The following RTN1 variants were observed in gnomAD, a reference collection of about 807,000 sequenced individuals.
The protein encoded by RTN1 is reticulon-1.
RTN1 carries 25 observed loss-of-function variants against 65.5 expected under a neutral mutation model. The ratio of observed to expected loss-of-function variants is 0.38; its 90% CI spans 0.28 to 0.53. RTN1 has a LOEUF of 0.53. Ranked by LOEUF, RTN1 falls within the 20% of genes least tolerant of loss-of-function variation. The pLI, the probability that RTN1 is intolerant of heterozygous loss-of-function variation, is 0.79. For missense variants in RTN1, 983 were observed against 1,025.4 expected, an observed-to-expected ratio of 0.96 and a Z score of 0.57; for synonymous variants, 471 against 447.6, an observed-to-expected ratio of 1.05 and a Z score of -0.66.
intron 1 of RTN1, among the ~76,000 whole-genome samples, chr14:59,767,103 C>T (rs74058796): frequency 0.013 from 1,917 of 152,286 alleles, 41 homozygotes; most frequent in African/African-American, 0.043. Context: ...TCTGTCCTGC[C>T]TTTCTTCCCT....
intron 1 of RTN1, among the ~76,000 whole-genome samples, chr14:59,854,441 G>A (rs1887566745): frequency 6.6e-6 from 1 of 151,836 alleles, no homozygotes; most frequent in Non-Finnish European, 1.5e-5. Context: ...AGGAGATCAA[G>A]ACCATCCTAG....
In RTN1 at chr14:59,868,957, C is replaced by T. The variant is rs1887842658; in HGVS notation, c.241+1433G>A. Among the ~76,000 whole-genome samples the T allele has an allele frequency of 6.6e-6, 1 of 152,142 alleles. No individual in the cohort carries two copies. Among genetic ancestry groups the T allele is most frequent in the Non-Finnish European group, 1.5e-5 (1 of 68,032 alleles). ...TGCAGAAGTTGAAAGAGAGACTGAGCAGCCATTCTTAGATTTAAATCCTCC... is the reference window on the plus strand; with the variant it reads ...TGCAGAAGTTGAAAGAGAGACTGAGTAGCCATTCTTAGATTTAAATCCTCC... On this transcript the variant is annotated intron_variant, in intron 1 of 8. Transcript: ENST00000267484. The surrounding 1 kb of genome is among the most constrained non-coding windows in gnomAD (Gnocchi z 4.0).
At chr14:59,597,700 C>T (rs1405215708) in intron 8 of RTN1, among the ~76,000 whole-genome samples, 2 of 152,148 alleles carry the variant, frequency 1.3e-5, no homozygotes, top group Non-Finnish European at 2.9e-5. Context: ...GTATGGCAGG[C>T]AGTGAGGGGC....
intron 3 of RTN1, among the ~76,000 whole-genome samples, chr14:59,658,525 T>G (rs1883173894): frequency 6.6e-6 from 1 of 152,172 alleles, no homozygotes. Flanking sequence ...GGGACGAAGC[T>G]TCCAGAGGAA....
chr14:59,760,887 C>A (rs1035591753), intron 1 of RTN1, among the ~76,000 whole-genome samples: 1 of 152,194 alleles, frequency 6.6e-6, no homozygotes, highest in African/African-American at 2.4e-5. Flanking sequence ...TCATCCTGGT[C>A]CCTCTAAAAT....
At chr14:59,828,502 C>T (rs770296564) in intron 1 of RTN1, among the ~76,000 whole-genome samples, 3 of 152,088 alleles carry the variant, frequency 2.0e-5, no homozygotes, top group South Asian at 2.1e-4. Context: ...AAGAAGAAAT[C>T]GGTGGGGATG....
chr14:59,613,294 G>C (rs911434196), intron 3 of RTN1, among the ~76,000 whole-genome samples: 14 of 152,012 alleles, frequency 9.2e-5, no homozygotes, highest in Non-Finnish European at 2.1e-4. Context: ...ACAAGCTATA[G>C]ATTTATTTAT....
At chr14:59,618,802 G>C (rs1480079727) in intron 3 of RTN1, among the ~76,000 whole-genome samples, 1 of 152,196 alleles carries the variant, frequency 6.6e-6, no homozygotes, top group Non-Finnish European at 1.5e-5. Context: ...TTTAGAACTA[G>C]ATATTTAAAG....
In RTN1 at chr14:59,825,020, T is replaced by C. The variant is rs75513378; in HGVS notation, c.241+45370A>G. Among the ~76,000 whole-genome samples, 531 of 152,204 alleles carry C rather than the reference T, an allele frequency of 3.5e-3. 19 individuals are homozygous for C. In the East Asian group the frequency reaches 0.059, roughly 17 times the overall value. On this transcript the variant is annotated intron_variant, in intron 1 of 8. Coordinates refer to ENST00000267484, the MANE Select transcript of RTN1 (RefSeq NM_021136.3). The surrounding 1 kb of genome is among the most constrained non-coding windows in gnomAD (Gnocchi z 4.2). ...AAATGGAGAGATGCTGGTCAAAGGG[T>C]AAAAACTTTCAGTTACAAGATAAAT... is the stretch of plus-strand genomic sequence containing the variant.
chr14:59,637,302 T>C (rs946981551), intron 3 of RTN1, among the ~76,000 whole-genome samples: 2 of 152,246 alleles, frequency 1.3e-5, no homozygotes, highest in Admixed American at 1.3e-4. Flanking sequence ...GATCCTGATA[T>C]TGCACCAATT....
chr14:59,739,465 C>T (rs1276267016), intron 2 of RTN1, among the ~76,000 whole-genome samples: 1 of 150,952 alleles, frequency 6.6e-6, no homozygotes, highest in Non-Finnish European at 1.5e-5. Context: ...CGCTTGAACC[C>T]GGGAGGCTGA....
intron 1 of RTN1, among the ~76,000 whole-genome samples, chr14:59,862,240 A>T (rs1040757889): frequency 2.0e-5 from 3 of 152,228 alleles, no homozygotes; most frequent in African/African-American, 7.2e-5. Flanking sequence ...CCCTAGGCAG[A>T]ATCCTAGGCC....
chr14:59,697,942 GTAGA>G (rs2139444952), intron 3 of RTN1, among the ~76,000 whole-genome samples: 1 of 152,110 alleles, frequency 6.6e-6, no homozygotes, highest in East Asian at 1.9e-4. Context: ...GTTGGAGGAG[GTAGA>G]TGGCCCAAAA....
intron 3 of RTN1, among the ~76,000 whole-genome samples, chr14:59,688,055 T>C (rs1159021842): frequency 1.3e-5 from 2 of 152,022 alleles, no homozygotes; most frequent in South Asian, 2.1e-4. Context: ...CACCTGCTCA[T>C]GTAGAACAGA....
chr14:59,597,250 G>A (rs1400081418), intron 8 of RTN1, among the ~76,000 whole-genome samples: 1 of 152,174 alleles, frequency 6.6e-6, no homozygotes, highest in Non-Finnish European at 1.5e-5. Context: ...CACCCTCAGA[G>A]TAGTCTAATT....
In RTN1 at chr14:59,596,142, C is replaced by T. The variant is rs1380051563; in HGVS notation, c.*603G>A. The T allele has an allele frequency of 6.6e-6, 1 of 152,504 alleles. No individual in the cohort carries two copies. The highest frequency in any genetic ancestry group is 1.9e-4 in the East Asian group (1 of 5,192). The allele number at this position is 152,504 out of a possible 1,614,324, so 9.4% of individuals were successfully genotyped here. A position where few individuals can be genotyped will look rare whatever the true frequency, so the allele number is the denominator to read the frequency against. ...TTAGTAACCATACATGTAAATCAGC[C>T]CACCAATCCCATACAACAAAAGTAC... On this transcript the variant is annotated 3_prime_UTR_variant, in exon 9 of 9. Transcript: ENST00000267484.
chr14:59,760,245 CTTATAG>C (rs762039318), intron 1 of RTN1, among the ~76,000 whole-genome samples: 3 of 151,890 alleles, frequency 2.0e-5, no homozygotes, highest in Admixed American at 6.6e-5. Context: ...TGTGTATAGA[CTTATAG>C]TTATAGATAT....
At chr14:59,674,881 T>C (rs1883589615) in intron 3 of RTN1, among the ~76,000 whole-genome samples, 10 of 152,180 alleles carry the variant, frequency 6.6e-5, no homozygotes, top group Admixed American at 6.5e-4. Flanking sequence ...TGTATATGTA[T>C]CAGGTACACT....
intron 3 of RTN1, among the ~76,000 whole-genome samples, chr14:59,686,763 C>G (rs1259593438): frequency 6.6e-6 from 1 of 152,146 alleles, no homozygotes; most frequent in Non-Finnish European, 1.5e-5. Context: ...TTTCTCCAAG[C>G]CCTGGAGGTA....
Sources: allele counts gnomAD v4.1 joint callset (sites outside exome capture counted in the v4.1 genomes callset), GRCh38; gene constraint gnomAD v4.1.1; non-coding constraint Gnocchi (gnomAD v3.1); transcripts MANE v1.5; gene names NCBI Gene and HGNC (gene_info 2026-07-23, HGNC 2026-07-21).